ERCC3: variants seen among roughly 807,000 people sequenced by gnomAD.
ERCC3 encodes general transcription and DNA repair factor IIH helicase/translocase subunit XPB.
In ERCC3, 66 loss-of-function variants were observed where a neutral mutation model predicts 94.2. The observed-to-expected ratio is 0.70, with a 90% CI of 0.57 to 0.86. The LOEUF (loss-of-function observed/expected upper bound fraction) is 0.86, where lower values mean the gene tolerates loss of function less well. ERCC3 is among the 40% of genes least tolerant of loss of function. ERCC3 has a pLI of 0.00. For missense variants in ERCC3, 829 were observed against 987.1 expected (o/e 0.84, Z 2.15); for synonymous variants, 349 against 369.1 (o/e 0.95, Z 0.63).
rs1240765236 is a variant in ERCC3 at position 127,287,028 on chromosome 2, CA to C, written c.1028-12del. ...GGGACTTTCCAGCACCTACAAGAAA[CA>C]AGAGTGCAATCCCACCCAAGGACAG... On this transcript the variant is annotated splice_polypyrimidine_tract_variant and intron_variant, in intron 7 of 14. Coordinates refer to ENST00000285398, the MANE Select transcript of ERCC3 (RefSeq NM_000122.2). The C allele has an allele frequency of 6.2e-7, 1 of 1,606,096 alleles. No homozygotes were observed. The highest frequency in any genetic ancestry group is 1.7e-5 in the Admixed American group (1 of 60,012).
intron 12 of ERCC3, among the ~76,000 whole-genome samples, chr2:127,268,385 A>G (rs1684448694): frequency 6.6e-6 from 1 of 152,008 alleles, no homozygotes; most frequent in Non-Finnish European, 1.5e-5. Context: ...CAGCCTCCGG[A>G]GTGGCTGGGA....
At chr2:127,292,069 C>A in intron 3 of ERCC3, 1 of 193,432 alleles carries the variant, frequency 5.2e-6, no homozygotes, top group Non-Finnish European at 1.1e-5. Flanking sequence ...GACCACCTTC[C>A]CATTGTGTAC....
rs1016414066 is a variant in ERCC3, at chr2:127,277,647, C to T, written c.1730+1526G>A. Among the ~76,000 whole-genome samples, 4 of 151,870 alleles carry T rather than the reference C, an allele frequency of 2.6e-5. No homozygotes were observed. The highest frequency in any genetic ancestry group is 6.6e-5 in the Admixed American group (1 of 15,246). On this transcript the variant is annotated intron_variant, in intron 10 of 14. Coordinates refer to ENST00000285398, the MANE Select transcript of ERCC3 (RefSeq NM_000122.2). This position sits in a 1 kb window ranked among gnomAD's most constrained non-coding sequence, Gnocchi z 5.1. ...CAGAGGTTGCAGTGAGCTGAGATAGCGCCACTGCACTCCAGCCTGGCAACA... is the reference window on the plus strand; with the variant it reads ...CAGAGGTTGCAGTGAGCTGAGATAGTGCCACTGCACTCCAGCCTGGCAACA...
chr2:127,281,203 G>A (rs904863378), intron 8 of ERCC3, among the ~76,000 whole-genome samples: 3 of 152,124 alleles, frequency 2.0e-5, no homozygotes, highest in African/African-American at 4.8e-5. Context: ...GACAATCTAG[G>A]GAGAGGAAGA....
intron 8 of ERCC3, among the ~76,000 whole-genome samples, chr2:127,285,930 A>G (rs1314875284): frequency 6.6e-6 from 1 of 152,112 alleles, no homozygotes; most frequent in African/African-American, 2.4e-5. Flanking sequence ...ATTGGATTAT[A>G]TATTTACAAG....
rs369959258 is a variant in ERCC3, at chr2:127,286,695, C to A, written c.1342+8G>T. 9 of 1,613,598 alleles carry A rather than the reference C, an allele frequency of 5.6e-6. No individual in the cohort carries two copies. Among genetic ancestry groups the A allele is most frequent in the African/African-American group, 5.3e-5 (4 of 74,920 alleles). On this transcript the variant is annotated splice_region_variant and intron_variant, in intron 8 of 14. Transcript: ENST00000285398. ...AGCAAGTGGACAGCTCAGCTCCAGCCTGCTTACCTGGTATGGTGTGCACTT... is the reference window on the plus strand; with the variant it reads ...AGCAAGTGGACAGCTCAGCTCCAGCATGCTTACCTGGTATGGTGTGCACTT...
In ERCC3 at chr2:127,293,736, A is replaced by G. The variant is rs1353443106; in HGVS notation, c.29-18T>C. 3.1e-6 allele frequency: 5 copies of G among 1,609,046 alleles called. No homozygotes were observed. The highest frequency in any genetic ancestry group is 2.2e-5 in the East Asian group (1 of 44,900). On this transcript the variant is annotated intron_variant, in intron 1 of 14. Transcript: ENST00000285398. ...CTTCTTGTCTGCAAGATACCAACAC[A>G]GAAGTAAGCCCAGCAGGAGCCTTCA... is the stretch of plus-strand genomic sequence containing the variant.
chr2:127,266,725 T>A (rs1684384712), intron 12 of ERCC3, among the ~76,000 whole-genome samples: 1 of 144,732 alleles, frequency 6.9e-6, no homozygotes, highest in Non-Finnish European at 1.5e-5. Flanking sequence ...TTTTTTTTTT[T>A]TTTTTTTTGT....
chr2:127,259,764 C>T lies in ERCC3; in HGVS notation c.2065-316G>A, dbSNP rs185823054. 4.5e-4 allele frequency: 177 copies of T among 396,828 alleles called. No individual in the cohort carries two copies. Among genetic ancestry groups the T allele is most frequent in the South Asian group, 3.2e-3 (151 of 46,562 alleles). The allele number at this position is 396,828 out of a possible 1,614,324, so 24.6% of individuals were successfully genotyped here. On this transcript the variant is annotated intron_variant, in intron 13 of 14. Coordinates refer to ENST00000285398, the MANE Select transcript of ERCC3 (RefSeq NM_000122.2). The surrounding 1 kb of genome is among the most constrained non-coding windows in gnomAD (Gnocchi z 4.9). ...TCTTAGTGATTTTAAAAGGCTCCTT[C>T]GGGTAGCCTTCACATCTTGGAGCAG...
At chr2:127,290,351 C>T in intron 3 of ERCC3, 78 bp from the exon 4 acceptor site, 1 of 1,183,138 alleles carries the variant, frequency 8.5e-7, no homozygotes. Context: ...CATCTTACAC[C>T]TACCAACCAA....
At chr2:127,265,772 T>C (rs553665027) in intron 12 of ERCC3, among the ~76,000 whole-genome samples, 16 of 152,330 alleles carry the variant, frequency 1.1e-4, no homozygotes, top group African/African-American at 3.6e-4. Context: ...TGTATTGTTT[T>C]TGAGTCTGAA....
Position 127,279,107 on chromosome 2 carries a change from A to C in ERCC3, c.1730+66T>G. The C allele has an allele frequency of 9.3e-7, 1 of 1,076,366 alleles. No homozygotes were observed. Among genetic ancestry groups the C allele is most frequent in the South Asian group, 1.3e-5 (1 of 78,614 alleles). The allele number at this position is 1,076,366 out of a possible 1,614,324, so 66.7% of individuals were successfully genotyped here. ...AAAACAAAAAAACAAAACAACAGCC[A>C]CCTTCTGCACTCTCAATGGGGAAGA... On this transcript the variant is annotated intron_variant, in intron 10 of 14. Coordinates refer to ENST00000285398, the MANE Select transcript of ERCC3 (RefSeq NM_000122.2). The surrounding 1 kb of genome is among the most constrained non-coding windows in gnomAD (Gnocchi z 4.7).
At chr2:127,281,764 CACAA>C (rs2104763841) in intron 8 of ERCC3, among the ~76,000 whole-genome samples, 2 of 152,182 alleles carry the variant, frequency 1.3e-5, no homozygotes, top group South Asian at 2.1e-4. Flanking sequence ...AACACACACA[CACAA>C]ACACACACAC....
chr2:127,276,728 T>G (rs972073482), intron 10 of ERCC3, among the ~76,000 whole-genome samples: 7 of 150,994 alleles, frequency 4.6e-5, no homozygotes, highest in African/African-American at 1.7e-4. Context: ...AGGACACGAG[T>G]TTCCAGATGG....
chr2:127,273,077 T>A (rs1410436563), intron 10 of ERCC3, 116 bp from the exon 11 acceptor site: 1 of 705,350 alleles, frequency 1.4e-6, no homozygotes, highest in African/African-American at 1.8e-5. Flanking sequence ...GCCCTCGTCA[T>A]GTAGGAATAT....
chr2:127,274,578 C>A lies in ERCC3; in HGVS notation c.1731-1617G>T, dbSNP rs1684674390. 6.6e-6 allele frequency among the ~76,000 whole-genome samples: 1 copy of A among 152,236 alleles called. No individual in the cohort carries two copies. The highest frequency in any genetic ancestry group is 2.4e-5 in the African/African-American group (1 of 41,466). ...TGGATAGGGCCTGGGCAGCTGCACA[C>A]CCAGGCTGATGGCCTCTGATTAGCC... On this transcript the variant is annotated intron_variant, in intron 10 of 14. Coordinates refer to ENST00000285398, the MANE Select transcript of ERCC3 (RefSeq NM_000122.2). This position sits in a 1 kb window ranked among gnomAD's most constrained non-coding sequence, Gnocchi z 4.0.
In ERCC3 at chr2:127,280,641, C is replaced by G. The variant is rs576879627; in HGVS notation, c.1343-10G>C. ...CTTCGGAACATCTTGGCTGAGGAAA[C>G]AATGGGAGCATTCACACTGTCACTT... On this transcript the variant is annotated splice_polypyrimidine_tract_variant and intron_variant, in intron 8 of 14. Transcript: ENST00000285398. The surrounding 1 kb of genome is among the most constrained non-coding windows in gnomAD (Gnocchi z 6.3). 1 of 1,612,080 alleles carries G rather than the reference C, an allele frequency of 6.2e-7. No homozygotes were observed. Among genetic ancestry groups the G allele is most frequent in the South Asian group, 1.1e-5 (1 of 91,040 alleles).
At chr2:127,261,957 T>C (rs1351097428) in intron 12 of ERCC3, 1 of 153,944 alleles carries the variant, frequency 6.5e-6, no homozygotes, top group Non-Finnish European at 1.4e-5. Context: ...TATAACCACA[T>C]GACCTGGCAA....
chr2:127,289,999 T>C (rs951460627), intron 4 of ERCC3, 175 bp from the exon 5 acceptor site: 26 of 864,086 alleles, frequency 3.0e-5, no homozygotes, highest in South Asian at 2.3e-4. Context: ...GGTTGTGACT[T>C]TGAGGTCAAG....
Sources: gnomAD v4.1 joint callset for allele counts (sites outside exome capture counted in the v4.1 genomes callset) on GRCh38, gnomAD v4.1.1 for gene constraint, Gnocchi (gnomAD v3.1) non-coding constraint, MANE v1.5 for transcripts, NCBI Gene and HGNC (gene_info 2026-07-23, HGNC 2026-07-21) for gene names.